KDM4C: variants seen among roughly 807,000 people sequenced by gnomAD.
The protein encoded by KDM4C is lysine-specific demethylase 4C.
Under a neutral mutation model 129.3 loss-of-function variants are expected in KDM4C, and 81 were observed. The ratio of observed to expected loss-of-function variants is 0.63; its 90% CI spans 0.52 to 0.75. The LOEUF (loss-of-function observed/expected upper bound fraction) is 0.75, where lower values mean the gene tolerates loss of function less well. Ranked by LOEUF, KDM4C falls within the 30% of genes least tolerant of loss-of-function variation. The probability of loss-of-function intolerance (pLI) is 0.00; values close to 1 mark genes in which losing one functional copy is unlikely to be tolerated. For synonymous variants in KDM4C, 573 were observed against 456.1 expected (o/e 1.26, Z -3.26); for missense variants, 1,457 against 1,304.0 (o/e 1.12, Z -1.81).
At chr9:7,166,041 C>A (rs1164315313) in intron 20 of KDM4C, among the ~76,000 whole-genome samples, 1 of 152,160 alleles carries the variant, frequency 6.6e-6, no homozygotes, top group Non-Finnish European at 1.5e-5. Flanking sequence ...ATAGCACGTG[C>A]ACATTTATAT....
chr9:7,084,224 C>G (rs1379948541), intron 17 of KDM4C, among the ~76,000 whole-genome samples: 1 of 152,204 alleles, frequency 6.6e-6, no homozygotes, highest in Admixed American at 6.5e-5. Flanking sequence ...GGAGCCACTA[C>G]ATGGTGCCAC....
At chr9:6,746,885 A>G (rs998832921) in intron 1 of KDM4C, among the ~76,000 whole-genome samples, 5 of 150,468 alleles carry the variant, frequency 3.3e-5, no homozygotes, top group Admixed American at 6.6e-5. Context: ...GGGCACCTGT[A>G]GTCCCAGCTA....
chr9:6,995,665 T>C (rs2131973842), intron 12 of KDM4C, among the ~76,000 whole-genome samples: 1 of 152,276 alleles, frequency 6.6e-6, no homozygotes, highest in Middle Eastern at 3.4e-3. Flanking sequence ...CTTACACCTT[T>C]GCAGGTTTTA....
At chr9:6,833,237 T>A (rs1019778409) in intron 4 of KDM4C, among the ~76,000 whole-genome samples, 1 of 152,208 alleles carries the variant, frequency 6.6e-6, no homozygotes, top group Non-Finnish European at 1.5e-5. Flanking sequence ...TATTTCTATT[T>A]AGCCTATTTT....
At chr9:6,985,013 G>A (rs887528783) in intron 10 of KDM4C, among the ~76,000 whole-genome samples, 2 of 152,126 alleles carry the variant, frequency 1.3e-5, no homozygotes, top group East Asian at 3.8e-4. Flanking sequence ...GCTAATTCCT[G>A]TGTTCCTCTC....
intron 1 of KDM4C, among the ~76,000 whole-genome samples, chr9:6,787,995 A>T (rs1825823744): frequency 6.6e-6 from 1 of 152,204 alleles, no homozygotes; most frequent in Non-Finnish European, 1.5e-5. Context: ...AGTTCCAGCC[A>T]CACGCATCTC....
At chr9:7,119,080 G>C (rs1386942427) in intron 18 of KDM4C, among the ~76,000 whole-genome samples, 4 of 152,116 alleles carry the variant, frequency 2.6e-5, no homozygotes, top group Non-Finnish European at 5.9e-5. Flanking sequence ...ATGTCCACTT[G>C]AGTATTTAAG....
intron 8 of KDM4C, among the ~76,000 whole-genome samples, chr9:6,939,860 A>T (rs1825526581): frequency 6.6e-6 from 1 of 152,192 alleles, no homozygotes; most frequent in African/African-American, 2.4e-5. Flanking sequence ...TGGCAGAGGA[A>T]ATAACTGAAA....
chr9:6,919,051 C>A (rs1190265789), intron 8 of KDM4C, among the ~76,000 whole-genome samples: 1 of 152,096 alleles, frequency 6.6e-6, no homozygotes, highest in Admixed American at 6.5e-5. Context: ...TGGGGTTTCA[C>A]CATCTTGGCC....
intron 17 of KDM4C, among the ~76,000 whole-genome samples, chr9:7,054,267 A>C (rs1377812412): frequency 6.6e-6 from 1 of 152,242 alleles, no homozygotes; most frequent in Non-Finnish European, 1.5e-5. Context: ...AAAGAAAAAG[A>C]ATTGACCCCA....
Position 7,068,460 on chromosome 9 carries a change from A to G in KDM4C, c.2424+19260A>G, listed in dbSNP as rs76123514. Among the ~76,000 whole-genome samples, 582 of 152,298 alleles carry G rather than the reference A, an allele frequency of 3.8e-3. 4 individuals are homozygous for G. Among genetic ancestry groups the G allele is most frequent in the African/African-American group, 0.013 (531 of 41,570 alleles). Reference sequence around the variant, plus strand: ...ATGATTTGCTGCAAAGTATGAAAATATGAATGTAATAATAATGGTTGTAAG... The same window carrying G: ...ATGATTTGCTGCAAAGTATGAAAATGTGAATGTAATAATAATGGTTGTAAG... On this transcript the variant is annotated intron_variant, in intron 17 of 21. Coordinates refer to ENST00000381309, the MANE Select transcript of KDM4C (RefSeq NM_015061.6).
chr9:6,937,127 A>G (rs954178441), intron 8 of KDM4C, among the ~76,000 whole-genome samples: 1 of 152,192 alleles, frequency 6.6e-6, no homozygotes, highest in Non-Finnish European at 1.5e-5. Context: ...CAATTTATAG[A>G]TGATAATTAA....
intron 12 of KDM4C, among the ~76,000 whole-genome samples, chr9:6,992,489 T>A (rs1292400219): frequency 6.6e-6 from 1 of 152,218 alleles, no homozygotes; most frequent in Non-Finnish European, 1.5e-5. Context: ...TTTTCAGAAT[T>A]GATTAGAAAA....
At chr9:6,803,348 G>A (rs535346160) in intron 2 of KDM4C, among the ~76,000 whole-genome samples, 4 of 152,022 alleles carry the variant, frequency 2.6e-5, no homozygotes, top group African/African-American at 7.2e-5. Context: ...AGAGGTGGTC[G>A]GATCACGCTG....
intron 8 of KDM4C, among the ~76,000 whole-genome samples, chr9:6,968,747 TA>T (rs1490935639): frequency 6.6e-6 from 1 of 152,242 alleles, no homozygotes; most frequent in Non-Finnish European, 1.5e-5. Context: ...AGGTACTTCA[TA>T]ATTTTATATC....
intron 2 of KDM4C, among the ~76,000 whole-genome samples, chr9:6,801,586 G>A (rs1369326312): frequency 2.0e-5 from 3 of 151,624 alleles, no homozygotes; most frequent in Non-Finnish European, 4.4e-5. Flanking sequence ...TACAGGATAA[G>A]AGAATATATT....
At chr9:7,163,147 C>G (rs1490205356) in intron 19 of KDM4C, among the ~76,000 whole-genome samples, 3 of 152,000 alleles carry the variant, frequency 2.0e-5, no homozygotes, top group African/African-American at 7.3e-5. Flanking sequence ...AGGAGCTGAG[C>G]TAGAGGTCAC....
intron 1 of KDM4C, among the ~76,000 whole-genome samples, chr9:6,725,701 CTTTTCTTTTCTT>C (rs1563910625): frequency 7.7e-6 from 1 of 130,390 alleles, no homozygotes. Context: ...CTTTTCTTTT[CTTTTCTTTTCTT>C]TTTTTTTTTT....
chr9:6,778,253 C>G (rs1320474340), intron 1 of KDM4C, among the ~76,000 whole-genome samples: 1 of 151,736 alleles, frequency 6.6e-6, no homozygotes, highest in East Asian at 2.0e-4. Flanking sequence ...CCACCCCTGG[C>G]TAATTTTTGT....
Sources: gnomAD v4.1 joint callset for allele counts (sites outside exome capture counted in the v4.1 genomes callset) on GRCh38, gnomAD v4.1.1 for gene constraint, MANE v1.5 for transcripts, NCBI Gene and HGNC (gene_info 2026-07-23, HGNC 2026-07-21) for gene names.